Variants in DMGDH observed in about 807,000 individuals in gnomAD.
DMGDH encodes the protein dimethylglycine dehydrogenase, mitochondrial.
A neutral mutation model predicts 95.2 loss-of-function variants in DMGDH; 76 were observed. The observed-to-expected ratio is 0.80, with a 90% CI of 0.66 to 0.97. DMGDH has a LOEUF of 0.97. Ranked by LOEUF, DMGDH falls within the 50% of genes least tolerant of loss-of-function variation. The pLI is 0.00. For synonymous variants in DMGDH, 345 were observed against 377.6 expected, an observed-to-expected ratio of 0.91 and a Z score of 1.00; for missense variants, 987 against 1,055.0, an observed-to-expected ratio of 0.94 and a Z score of 0.89.
chr5:79,031,209 C>T (rs1426368416), intron 9 of DMGDH, among the ~76,000 whole-genome samples: 3 of 152,130 alleles, frequency 2.0e-5, no homozygotes, highest in African/African-American at 7.2e-5. Context: ...CTCATTTATC[C>T]CTTTGACCTA....
chr5:79,054,370 G>T, intron 3 of DMGDH, 22 bp from the exon 4 acceptor site: 1 of 1,613,158 alleles, frequency 6.2e-7, no homozygotes, highest in Non-Finnish European at 8.5e-7. Flanking sequence ...ATTCCAGTGA[G>T]AGCATATAAA....
At chr5:79,063,820 A>G (rs377361731) in intron 1 of DMGDH, 33 bp from the exon 2 acceptor site, 4 of 1,609,646 alleles carry the variant, frequency 2.5e-6, no homozygotes, top group South Asian at 1.1e-5. Context: ...GGGAACTTCA[A>G]TCGGCAATGG....
At chr5:79,063,403 C>T (rs143388999) in intron 2 of DMGDH, among the ~76,000 whole-genome samples, 7 of 152,256 alleles carry the variant, frequency 4.6e-5, no homozygotes, top group East Asian at 3.9e-4. Context: ...AGCCAGGATT[C>T]GAATCCAGAA....
At chr5:79,014,440 CT>C (rs1435883987) in intron 14 of DMGDH, among the ~76,000 whole-genome samples, 3 of 152,168 alleles carry the variant, frequency 2.0e-5, no homozygotes, top group African/African-American at 7.2e-5. Flanking sequence ...GATTTCATCT[CT>C]CTAGAGTAGA....
At chr5:79,067,464 C>G (rs1315340098) in intron 1 of DMGDH, among the ~76,000 whole-genome samples, 1 of 152,096 alleles carries the variant, frequency 6.6e-6, no homozygotes, top group East Asian at 1.9e-4. Flanking sequence ...GAAACAACAA[C>G]AACAAAAGAG....
chr5:79,011,907 A>G (rs1315487160), intron 14 of DMGDH, among the ~76,000 whole-genome samples: 1 of 152,150 alleles, frequency 6.6e-6, no homozygotes, highest in Non-Finnish European at 1.5e-5. Context: ...GGGGATTACA[A>G]TTCAACATGA....
intron 7 of DMGDH, among the ~76,000 whole-genome samples, chr5:79,038,683 T>G (rs1365228451): frequency 6.6e-6 from 1 of 152,202 alleles, no homozygotes; most frequent in Non-Finnish European, 1.5e-5. Context: ...AGATTTACTA[T>G]TTTTTGAATG....
At chr5:79,019,972 G>C (rs1347725640) in intron 14 of DMGDH, among the ~76,000 whole-genome samples, 1 of 152,192 alleles carries the variant, frequency 6.6e-6, no homozygotes, top group Non-Finnish European at 1.5e-5. Flanking sequence ...GGGGGTCTGG[G>C]ATGGTACTCA....
intron 3 of DMGDH, among the ~76,000 whole-genome samples, chr5:79,055,455 A>G (rs897372976): frequency 3.3e-5 from 5 of 152,232 alleles, no homozygotes; most frequent in Non-Finnish European, 1.5e-5. Context: ...GTTCAGAGTC[A>G]TGGGACAATC....
intron 10 of DMGDH, 82 bp downstream of exon 10, chr5:79,030,751 T>C (rs1318813037): frequency 7.0e-6 from 10 of 1,426,878 alleles, no homozygotes; most frequent in East Asian, 7.0e-5. Flanking sequence ...CCAGAAATCA[T>C]TAGGTGAACT....
At chr5:79,029,515 C>T (rs7711397) in intron 11 of DMGDH, among the ~76,000 whole-genome samples, 11 of 152,082 alleles carry the variant, frequency 7.2e-5, no homozygotes, top group Non-Finnish European at 1.0e-4. Context: ...GGACCAAATG[C>T]GGGCATCAGA....
At chr5:79,059,618 T>C (rs920605299) in intron 2 of DMGDH, among the ~76,000 whole-genome samples, 1 of 152,248 alleles carries the variant, frequency 6.6e-6, no homozygotes, top group Non-Finnish European at 1.5e-5. Context: ...TGAGAGTTTT[T>C]CTATGTGATA....
chr5:79,030,528 C>T, intron 10 of DMGDH: 1 of 319,882 alleles, frequency 3.1e-6, no homozygotes, highest in Non-Finnish European at 5.9e-6. Flanking sequence ...TGCCTGTAGT[C>T]CCAGCTACTT....
rs1754819636 is a variant in DMGDH, at chr5:79,050,306, C to T, written c.745+981G>A. 3.3e-5 allele frequency among the ~76,000 whole-genome samples: 4 copies of T among 121,140 alleles called. No individual in the cohort carries two copies. In the East Asian group the frequency reaches 8.9e-4, roughly 27 times the overall value. 79.5% of individuals were successfully genotyped at this position (121,140 alleles called of 152,430 possible). ...TATATATATATATATATATATACCT[C>T]AAAAGTTACAATACAGAGGAAAGAA... On this transcript the variant is annotated intron_variant, in intron 5 of 15. Coordinates refer to ENST00000255189, the MANE Select transcript of DMGDH (RefSeq NM_013391.3).
intron 2 of DMGDH, among the ~76,000 whole-genome samples, chr5:79,059,352 C>CCCA (rs1755129779): frequency 6.6e-6 from 1 of 152,236 alleles, no homozygotes; most frequent in African/African-American, 2.4e-5. Context: ...GTGAGGCACA[C>CCCA]ACCCAAGTGA....
At chr5:79,021,608 T>G (rs762779208) in intron 14 of DMGDH, 37 of 1,312,626 alleles carry the variant, frequency 2.8e-5, no homozygotes, top group Middle Eastern at 2.1e-4. Context: ...CGATTCACCC[T>G]AATAAGGCCT....
chr5:79,009,327 A>C (rs1753602113), intron 14 of DMGDH, among the ~76,000 whole-genome samples: 1 of 144,610 alleles, frequency 6.9e-6, no homozygotes, highest in African/African-American at 2.7e-5. Flanking sequence ...AAAGTAAGAA[A>C]CACTTACTTT....
In DMGDH at chr5:79,000,265, A is replaced by C; in HGVS notation, c.2386-1968T>G. ...TGATACCACCACCATGATATTCCTC[A>C]CATTTAAAATCTCCATGAGATGAAG... On this transcript the variant is annotated intron_variant, in intron 15 of 15. Coordinates refer to ENST00000255189, the MANE Select transcript of DMGDH (RefSeq NM_013391.3). The C allele has an allele frequency of 7.7e-6, 5 of 646,760 alleles. No homozygotes were observed. The Admixed American group carries it at 9.1e-5, about 12-fold the overall frequency. 40.1% of individuals were successfully genotyped at this position (646,760 alleles called of 1,614,324 possible).
At chr5:79,028,337 C>T in intron 12 of DMGDH, 96 bp downstream of exon 12, 1 of 1,097,128 alleles carries the variant, frequency 9.1e-7, no homozygotes, top group African/African-American at 1.6e-5. Flanking sequence ...CACACTCACA[C>T]ATTTCTTGTG....
Sources: allele counts gnomAD v4.1 joint callset (sites outside exome capture counted in the v4.1 genomes callset), GRCh38; gene constraint gnomAD v4.1.1; transcripts MANE v1.5; gene names NCBI Gene and HGNC (gene_info 2026-07-23, HGNC 2026-07-21).